The following HECW2 variants were observed in gnomAD, a reference collection of about 807,000 sequenced individuals.
HECW2 encodes the protein HECT, C2 and WW domain containing E3 ubiquitin protein ligase 2.
In HECW2, 61 loss-of-function variants were observed where a neutral mutation model predicts 175.2. The observed-to-expected ratio is 0.35, with a 90% CI of 0.28 to 0.43. The LOEUF (loss-of-function observed/expected upper bound fraction) is 0.43, where lower values mean the gene tolerates loss of function less well. Among genes scored for constraint, HECW2 ranks in the 20% least tolerant of loss-of-function variants. HECW2 has a pLI of 1.00. For synonymous variants in HECW2, 671 were observed against 731.0 expected (o/e 0.92, Z 1.32); for missense variants, 1,524 against 2,000.5 (o/e 0.76, Z 4.54).
chr2:196,229,003 C>G (rs1687951900), intron 21 of HECW2, among the ~76,000 whole-genome samples: 1 of 152,090 alleles, frequency 6.6e-6, no homozygotes. Context: ...TGTGTTAGGT[C>G]TGAGGAATGA....
chr2:196,265,072 G>A (rs1256728766), intron 17 of HECW2, among the ~76,000 whole-genome samples: 1 of 152,202 alleles, frequency 6.6e-6, no homozygotes, highest in Admixed American at 6.5e-5. Flanking sequence ...CTCAGTCTAG[G>A]CATGGAGCAG....
chr2:196,397,111 C>CAACAAAACAA (rs71407881), intron 2 of HECW2, among the ~76,000 whole-genome samples: 1 of 138,676 alleles, frequency 7.2e-6, no homozygotes, highest in Admixed American at 7.7e-5. Context: ...GACTCCGTCT[C>CAACAAAACAA]AACAAAACAA....
intron 14 of HECW2, among the ~76,000 whole-genome samples, chr2:196,280,933 A>C (rs1476582017): frequency 6.6e-6 from 1 of 152,214 alleles, no homozygotes; most frequent in Non-Finnish European, 1.5e-5. Context: ...TACTAACACA[A>C]TCCTATTAAC....
intron 28 of HECW2, among the ~76,000 whole-genome samples, chr2:196,211,430 T>C (rs1451017887): frequency 6.6e-6 from 1 of 152,160 alleles, no homozygotes; most frequent in Non-Finnish European, 1.5e-5. Context: ...GGAAGTGCAG[T>C]CATGTGCTCA....
chr2:196,401,083 G>A (rs188272049), intron 2 of HECW2, among the ~76,000 whole-genome samples: 2 of 152,120 alleles, frequency 1.3e-5, no homozygotes, highest in African/African-American at 4.8e-5. Context: ...AATTAAATGC[G>A]CACATTCTTT....
chr2:196,424,802 C>G (rs890768022), intron 2 of HECW2, among the ~76,000 whole-genome samples: 4 of 152,098 alleles, frequency 2.6e-5, no homozygotes, highest in African/African-American at 9.7e-5. Context: ...AGTAAAACAG[C>G]AAGTGTTGAT....
chr2:196,221,529 G>A (rs1687670488), intron 24 of HECW2, among the ~76,000 whole-genome samples: 1 of 151,792 alleles, frequency 6.6e-6, no homozygotes, highest in Non-Finnish European at 1.5e-5. Flanking sequence ...TGTTCCCTTA[G>A]CTTCAAAAAA....
At chr2:196,459,279 T>C (rs1696641862) in intron 1 of HECW2, among the ~76,000 whole-genome samples, 1 of 152,096 alleles carries the variant, frequency 6.6e-6, no homozygotes, top group South Asian at 2.1e-4. Flanking sequence ...ATGGGAGATG[T>C]AGACTATGAG....
At chr2:196,589,099 G>A (rs758425302) in intron 1 of HECW2, among the ~76,000 whole-genome samples, 41 of 152,090 alleles carry the variant, frequency 2.7e-4, no homozygotes, top group African/African-American at 7.0e-4. Flanking sequence ...CTTGGGAGAC[G>A]GAGGCATGAG....
intron 1 of HECW2, among the ~76,000 whole-genome samples, chr2:196,468,297 T>C (rs182034360): frequency 2.0e-5 from 3 of 152,362 alleles, no homozygotes; most frequent in East Asian, 3.9e-4. Flanking sequence ...GCCCAGCTGG[T>C]TGTTCTTTAA....
intron 1 of HECW2, among the ~76,000 whole-genome samples, chr2:196,521,465 T>C (rs1223414116): frequency 6.6e-6 from 1 of 151,976 alleles, no homozygotes; most frequent in Non-Finnish European, 1.5e-5. Context: ...TTTTATTTTA[T>C]TTTATTTTAT....
At chr2:196,411,185 T>C (rs1695099694) in intron 2 of HECW2, among the ~76,000 whole-genome samples, 1 of 152,148 alleles carries the variant, frequency 6.6e-6, no homozygotes, top group Admixed American at 6.5e-5. Context: ...TTTTTAGTTT[T>C]GTACAGACAA....
chr2:196,429,247 G>C (rs111704984), intron 2 of HECW2, among the ~76,000 whole-genome samples: 27 of 151,946 alleles, frequency 1.8e-4, no homozygotes, highest in Admixed American at 1.5e-3. Context: ...GCCTGGGGGG[G>C]GCCTACCTGC....
At chr2:196,306,312 C>CA (rs564049661) in intron 13 of HECW2, among the ~76,000 whole-genome samples, 176 bp downstream of exon 13, 113 of 152,308 alleles carry the variant, frequency 7.4e-4, no homozygotes, top group African/African-American at 2.3e-3. Flanking sequence ...CCAATGAACT[C>CA]AAACGGTTTC....
At chr2:196,342,653 T>C (rs1371836069) in intron 3 of HECW2, among the ~76,000 whole-genome samples, 1 of 152,174 alleles carries the variant, frequency 6.6e-6, no homozygotes, top group African/African-American at 2.4e-5. Context: ...TAAATGACTA[T>C]AACACTGAAT....
At chr2:196,419,541 C>T (rs545735950) in intron 2 of HECW2, among the ~76,000 whole-genome samples, 1 of 152,298 alleles carries the variant, frequency 6.6e-6, no homozygotes, top group African/African-American at 2.4e-5. Flanking sequence ...ATTAAACTGC[C>T]CCTTCTCCAT....
intron 2 of HECW2, among the ~76,000 whole-genome samples, chr2:196,402,200 CAAAAAAA>C (rs55851966): frequency 1.4e-5 from 1 of 70,348 alleles, no homozygotes; most frequent in Admixed American, 2.2e-4. Flanking sequence ...GACTCTGTCT[CAAAAAAA>C]AAAAAAAAAA....
At chr2:196,267,739 C>G (rs1286418090) in intron 17 of HECW2, among the ~76,000 whole-genome samples, 1 of 152,188 alleles carries the variant, frequency 6.6e-6, no homozygotes, top group Non-Finnish European at 1.5e-5. Context: ...AATGAATTGC[C>G]TGCTATCCTC....
At chr2:196,231,092 CAAA>C (rs10653412) in intron 21 of HECW2, among the ~76,000 whole-genome samples, 4 of 55,338 alleles carry the variant, frequency 7.2e-5, no homozygotes, top group African/African-American at 3.5e-4. Context: ...GACTCCGTCT[CAAA>C]AAAAAAAAAA....
Sources: allele counts gnomAD v4.1 joint callset (sites outside exome capture counted in the v4.1 genomes callset), GRCh38; gene constraint gnomAD v4.1.1; transcripts MANE v1.5; gene names NCBI Gene and HGNC (gene_info 2026-07-23, HGNC 2026-07-21).